Variants in CREB5 observed in about 807,000 individuals in gnomAD.
The protein encoded by CREB5 is cyclic AMP-responsive element-binding protein 5.
A neutral mutation model predicts 57.1 loss-of-function variants in CREB5; 19 were observed. The ratio of observed to expected loss-of-function variants is 0.33; its 90% CI spans 0.23 to 0.49. CREB5 has a LOEUF of 0.49. CREB5 is among the 20% of genes least tolerant of loss of function. CREB5 has a pLI of 0.99. For synonymous variants in CREB5, 238 were observed against 238.3 expected, an observed-to-expected ratio of 1.00 and a Z score of 0.01; for missense variants, 579 against 671.6, an observed-to-expected ratio of 0.86 and a Z score of 1.52.
Position 28,549,364 on chromosome 7 carries a change from A to G in CREB5, c.292-21001A>G, listed in dbSNP as rs551280244. ...AGTTCAGTACAGCATCCTGGAGCAC[A>G]CAGTTTGGAAACTGCAACCCTACAC... On this transcript the variant is annotated intron_variant, in intron 4 of 10. Coordinates refer to ENST00000357727, the MANE Select transcript of CREB5 (RefSeq NM_182898.4). Among the ~76,000 whole-genome samples the G allele has an allele frequency of 2.6e-5, 4 of 152,338 alleles. No homozygotes were observed. The South Asian group carries it at 8.3e-4, about 32-fold the overall frequency.
chr7:28,793,789 T>C (rs1807868045), intron 7 of CREB5, among the ~76,000 whole-genome samples: 1 of 152,238 alleles, frequency 6.6e-6, no homozygotes, highest in Non-Finnish European at 1.5e-5. Context: ...GTTGTCATGA[T>C]GGTCACCAAG....
intron 5 of CREB5, among the ~76,000 whole-genome samples, chr7:28,681,605 G>C (rs1015970712): frequency 2.0e-5 from 3 of 152,298 alleles, no homozygotes; most frequent in Non-Finnish European, 4.4e-5. Flanking sequence ...GTATAGCACA[G>C]TCTCTGCCCT....
intron 3 of CREB5, among the ~76,000 whole-genome samples, chr7:28,495,253 C>T (rs1791982927): frequency 6.6e-6 from 1 of 152,066 alleles, no homozygotes; most frequent in Non-Finnish European, 1.5e-5. Context: ...AAATCACATA[C>T]CTGGCTGGGC....
At chr7:28,768,336 C>A (rs905068598) in intron 7 of CREB5, among the ~76,000 whole-genome samples, 2 of 152,060 alleles carry the variant, frequency 1.3e-5, no homozygotes, top group Non-Finnish European at 2.9e-5. Context: ...CTTTCATCTG[C>A]TCATGAATGT....
intron 1 of CREB5, among the ~76,000 whole-genome samples, chr7:28,431,199 A>G (rs1788697609): frequency 6.6e-6 from 1 of 152,250 alleles, no homozygotes; most frequent in Non-Finnish European, 1.5e-5. Flanking sequence ...TCTATTCATT[A>G]GAAGCACATC....
intron 5 of CREB5, among the ~76,000 whole-genome samples, chr7:28,710,594 C>T (rs1205530653): frequency 6.6e-6 from 1 of 152,106 alleles, no homozygotes; most frequent in Non-Finnish European, 1.5e-5. Context: ...TTTAAGCCCA[C>T]CTGGGCACCA....
At chr7:28,329,550 G>C (rs961032531) in intron 1 of CREB5, among the ~76,000 whole-genome samples, 3 of 152,148 alleles carry the variant, frequency 2.0e-5, no homozygotes, top group Non-Finnish European at 4.4e-5. Context: ...ACTTCTCGCC[G>C]ACTTGTTTAA....
chr7:28,737,503 CTCTG>C (rs1219177399), intron 7 of CREB5, among the ~76,000 whole-genome samples: 82 of 142,278 alleles, frequency 5.8e-4, no homozygotes, highest in African/African-American at 9.6e-4. Flanking sequence ...CTCTCTCTCT[CTCTG>C]TGTGTGTGTG....
chr7:28,718,969 C>A, intron 6 of CREB5, 90 bp downstream of exon 6: 2 of 1,577,646 alleles, frequency 1.3e-6, no homozygotes, highest in Non-Finnish European at 1.7e-6. Context: ...GAGATCCAAG[C>A]TGATGGGAAA....
At chr7:28,496,911 A>G (rs1211936891) in intron 3 of CREB5, among the ~76,000 whole-genome samples, 1 of 152,222 alleles carries the variant, frequency 6.6e-6, no homozygotes, top group East Asian at 1.9e-4. Flanking sequence ...TAGAAGGATT[A>G]GGAAGGATGG....
intron 5 of CREB5, among the ~76,000 whole-genome samples, chr7:28,611,619 T>C (rs1182038133): frequency 6.7e-6 from 1 of 150,074 alleles, no homozygotes; most frequent in East Asian, 2.0e-4. Flanking sequence ...GAGGTTGCAG[T>C]AAGCTGAGAT....
intron 5 of CREB5, among the ~76,000 whole-genome samples, chr7:28,610,925 C>A (rs1267313538): frequency 6.6e-6 from 1 of 151,116 alleles, no homozygotes; most frequent in South Asian, 2.1e-4. Context: ...GAGAGGGAGT[C>A]GTTTATGTAT....
At chr7:28,374,374 A>G (rs1209974885) in intron 1 of CREB5, among the ~76,000 whole-genome samples, 3 of 152,194 alleles carry the variant, frequency 2.0e-5, no homozygotes, top group African/African-American at 7.2e-5. Context: ...TTTCCACACA[A>G]ATACTTGTAT....
chr7:28,525,975 C>T (rs1465051331), intron 4 of CREB5, among the ~76,000 whole-genome samples: 1 of 152,230 alleles, frequency 6.6e-6, no homozygotes, highest in Non-Finnish European at 1.5e-5. Context: ...TCTTTCCCTT[C>T]ACTGGATGTA....
intron 7 of CREB5, among the ~76,000 whole-genome samples, chr7:28,783,037 G>A (rs1224785588): frequency 1.3e-5 from 2 of 152,166 alleles, no homozygotes; most frequent in Non-Finnish European, 2.9e-5. Flanking sequence ...AAAAACCTTT[G>A]CTTCCACATA....
chr7:28,422,205 T>C (rs1448363841), intron 1 of CREB5, among the ~76,000 whole-genome samples: 1 of 152,172 alleles, frequency 6.6e-6, no homozygotes, highest in Non-Finnish European at 1.5e-5. Flanking sequence ...TCTGACTTAT[T>C]CTCTGTGCTT....
chr7:28,300,111 G>T (rs900485587), intron 1 of CREB5, among the ~76,000 whole-genome samples: 1 of 145,554 alleles, frequency 6.9e-6, no homozygotes, highest in Middle Eastern at 3.5e-3. Flanking sequence ...ACTACCTTAG[G>T]TGTTTCATTT....
intron 5 of CREB5, among the ~76,000 whole-genome samples, chr7:28,716,936 G>A (rs994720601): frequency 3.1e-4 from 47 of 152,276 alleles, no homozygotes; most frequent in African/African-American, 9.9e-4. Flanking sequence ...AATACCCATA[G>A]CACTTCATCT....
chr7:28,341,099 C>T (rs1785927581), intron 1 of CREB5, among the ~76,000 whole-genome samples: 1 of 152,086 alleles, frequency 6.6e-6, no homozygotes, highest in African/African-American at 2.4e-5. Flanking sequence ...TGTGACCGCT[C>T]ATCTGATTGT....
Sources: gnomAD v4.1 joint callset for allele counts (sites outside exome capture counted in the v4.1 genomes callset) on GRCh38, gnomAD v4.1.1 for gene constraint, MANE v1.5 for transcripts, NCBI Gene and HGNC (gene_info 2026-07-23, HGNC 2026-07-21) for gene names.